Variants in ZBTB20 observed in about 807,000 individuals in gnomAD.
ZBTB20 encodes the protein zinc finger and BTB domain containing 20.
Under a neutral mutation model 56.9 loss-of-function variants are expected in ZBTB20, and 9 were observed. The ratio of observed to expected loss-of-function variants is 0.16; its 90% CI spans 0.10 to 0.28. The LOEUF is 0.28. ZBTB20 is among the 10% of genes least tolerant of loss of function. The pLI is 1.00. For missense variants in ZBTB20, 655 were observed against 1,003.0 expected (o/e 0.65, Z 4.69); for synonymous variants, 417 against 420.7 (o/e 0.99, Z 0.11).
intron 6 of ZBTB20, among the ~76,000 whole-genome samples, chr3:114,521,511 T>C (rs1417627402): frequency 6.6e-6 from 1 of 152,150 alleles, no homozygotes. Flanking sequence ...TCTAGTGCCC[T>C]TTCACTTCAT....
chr3:114,998,686 G>A (rs2079122839), intron 2 of ZBTB20, among the ~76,000 whole-genome samples: 1 of 151,668 alleles, frequency 6.6e-6, no homozygotes, highest in South Asian at 2.1e-4. Context: ...AAGGGATCAA[G>A]CTGAGCTTAC....
At chr3:114,808,054 A>T (rs1296934702) in intron 4 of ZBTB20, among the ~76,000 whole-genome samples, 2 of 152,138 alleles carry the variant, frequency 1.3e-5, no homozygotes, top group Admixed American at 6.5e-5. Context: ...TTTGTGAAAT[A>T]CTGGTATTGG....
intron 4 of ZBTB20, among the ~76,000 whole-genome samples, chr3:114,859,852 C>T (rs1219700641): frequency 3.3e-5 from 5 of 152,310 alleles, no homozygotes; most frequent in African/African-American, 1.2e-4. Context: ...CTCATCCCCT[C>T]TCTGCTATTC....
intron 4 of ZBTB20, among the ~76,000 whole-genome samples, chr3:114,842,843 C>G (rs2074443915): frequency 6.6e-6 from 1 of 152,188 alleles, no homozygotes; most frequent in Admixed American, 6.5e-5. Context: ...TGAATCTCCT[C>G]AAACTGTGGA....
intron 2 of ZBTB20, among the ~76,000 whole-genome samples, chr3:115,014,795 T>G (rs1242981878): frequency 6.6e-6 from 1 of 151,754 alleles, no homozygotes; most frequent in East Asian, 1.9e-4. Context: ...GTTTCCTTAT[T>G]GTTTGTTTTT....
intron 7 of ZBTB20, among the ~76,000 whole-genome samples, chr3:114,484,945 G>C (rs749366922): frequency 3.9e-5 from 6 of 152,134 alleles, no homozygotes; most frequent in African/African-American, 9.7e-5. Flanking sequence ...TAATATAATA[G>C]CTCAGGTCTT....
intron 2 of ZBTB20, among the ~76,000 whole-genome samples, chr3:114,999,533 A>G (rs2079164506): frequency 6.6e-6 from 1 of 151,360 alleles, no homozygotes; most frequent in African/African-American, 2.4e-5. Flanking sequence ...AAAGTTCTTT[A>G]TTCTTAGAAG....
intron 6 of ZBTB20, among the ~76,000 whole-genome samples, chr3:114,689,791 T>C (rs1347568995): frequency 6.6e-6 from 1 of 152,146 alleles, no homozygotes; most frequent in African/African-American, 2.4e-5. Context: ...ATGAGACACA[T>C]AATTTAACAC....
At chr3:115,051,758 C>G (rs2081557818) in intron 2 of ZBTB20, among the ~76,000 whole-genome samples, 1 of 152,138 alleles carries the variant, frequency 6.6e-6, no homozygotes, top group Admixed American at 6.5e-5. Context: ...TCACACTGCT[C>G]TAAAGAACTA....
At chr3:114,463,622 G>C (rs143226720) in intron 7 of ZBTB20, among the ~76,000 whole-genome samples, 1 of 152,108 alleles carries the variant, frequency 6.6e-6, no homozygotes, top group African/African-American at 2.4e-5. Context: ...ATCTTCAAAG[G>C]CTTTTTCTTG....
chr3:114,435,851 T>C (rs1215605834), intron 7 of ZBTB20, among the ~76,000 whole-genome samples: 2 of 152,150 alleles, frequency 1.3e-5, no homozygotes. Context: ...TGGGGAACTC[T>C]CTCACTGCCA....
chr3:114,603,551 A>T, intron 6 of ZBTB20, among the ~76,000 whole-genome samples: 2 of 152,100 alleles, frequency 1.3e-5, no homozygotes, highest in South Asian at 4.1e-4. Flanking sequence ...CATAGAAAAG[A>T]TTAGTAAATC....
At chr3:115,067,769 T>C (rs912571877) in intron 2 of ZBTB20, among the ~76,000 whole-genome samples, 2 of 152,124 alleles carry the variant, frequency 1.3e-5, no homozygotes, top group East Asian at 3.9e-4. Flanking sequence ...TTCTATCGTA[T>C]CAACTTCATG....
At chr3:114,793,078 C>A (rs1438911670) in intron 5 of ZBTB20, among the ~76,000 whole-genome samples, 2 of 151,930 alleles carry the variant, frequency 1.3e-5, no homozygotes, top group Middle Eastern at 3.4e-3. Context: ...CAGAGTTTCA[C>A]CATGTTGGTC....
At chr3:114,556,588 A>G (rs2051250428) in intron 6 of ZBTB20, among the ~76,000 whole-genome samples, 2 of 152,088 alleles carry the variant, frequency 1.3e-5, no homozygotes, top group Admixed American at 6.6e-5. Flanking sequence ...GATTCATTCC[A>G]TATTAAGAAA....
At chr3:114,596,576 G>A (rs1227635140) in intron 6 of ZBTB20, among the ~76,000 whole-genome samples, 2 of 152,100 alleles carry the variant, frequency 1.3e-5, no homozygotes, top group Admixed American at 6.6e-5. Flanking sequence ...ATTTAAGTGC[G>A]GTTATCGAGG....
chr3:114,539,716 C>T (rs1454864616), intron 6 of ZBTB20, among the ~76,000 whole-genome samples: 1 of 152,066 alleles, frequency 6.6e-6, no homozygotes, highest in Admixed American at 6.6e-5. Context: ...GTTTTTATCT[C>T]TTTGCTAAGG....
At chr3:114,369,635 C>T (rs747106811) in intron 10 of ZBTB20, among the ~76,000 whole-genome samples, 6 of 152,100 alleles carry the variant, frequency 3.9e-5, no homozygotes, top group Non-Finnish European at 5.9e-5. Flanking sequence ...TGTCTTGGAC[C>T]ATCACAGAAA....
chr3:114,854,459 G>A (rs547199889), intron 4 of ZBTB20, among the ~76,000 whole-genome samples: 4 of 152,198 alleles, frequency 2.6e-5, no homozygotes, highest in African/African-American at 9.6e-5. Flanking sequence ...AACACTTTCT[G>A]TTTTCCCGCC....
Sources: gnomAD v4.1 joint callset for allele counts (sites outside exome capture counted in the v4.1 genomes callset) on GRCh38, gnomAD v4.1.1 for gene constraint, MANE v1.5 for transcripts, NCBI Gene and HGNC (gene_info 2026-07-23, HGNC 2026-07-21) for gene names.